The following CRPPA variants were observed in gnomAD, a reference collection of about 807,000 sequenced individuals.
The protein encoded by CRPPA is CDP-L-ribitol pyrophosphorylase A, also known as D-ribitol-5-phosphate cytidylyltransferase.
A neutral mutation model predicts 52.0 loss-of-function variants in CRPPA; 43 were observed. The ratio of observed to expected loss-of-function variants is 0.83; its 90% CI spans 0.65 to 1.07. The LOEUF is 1.07. Among genes scored for constraint, CRPPA ranks in the 50% least tolerant of loss-of-function variants. CRPPA has a pLI of 0.00. For missense variants in CRPPA, 629 were observed against 551.7 expected (o/e 1.14, Z -1.40); for synonymous variants, 250 against 203.5 (o/e 1.23, Z -1.94).
chr7:16,229,419 C>T (rs781027568), intron 8 of CRPPA, among the ~76,000 whole-genome samples: 27 of 151,722 alleles, frequency 1.8e-4, no homozygotes, highest in Non-Finnish European at 3.4e-4. Context: ...TAATTTCTTG[C>T]TTTTTATTTT....
At chr7:16,185,052 A>G (rs769462190) in intron 9 of CRPPA, among the ~76,000 whole-genome samples, 4 of 152,202 alleles carry the variant, frequency 2.6e-5, no homozygotes, top group Admixed American at 6.5e-5. Context: ...TAAGACAGAC[A>G]TATCTCTCCA....
chr7:16,165,017 G>A (rs1178535754), intron 9 of CRPPA, among the ~76,000 whole-genome samples: 1 of 152,072 alleles, frequency 6.6e-6, no homozygotes, highest in Admixed American at 6.5e-5. Context: ...CCTTAGCAGA[G>A]CTCAAGCATT....
intron 9 of CRPPA, among the ~76,000 whole-genome samples, chr7:16,194,382 C>T (rs530459750): frequency 1.3e-5 from 2 of 152,062 alleles, no homozygotes; most frequent in Non-Finnish European, 2.9e-5. Context: ...ACTTTTGTTA[C>T]CACTTATGTT....
At chr7:16,368,039 T>C (rs546516092) in intron 3 of CRPPA, among the ~76,000 whole-genome samples, 1 of 152,282 alleles carries the variant, frequency 6.6e-6, no homozygotes, top group Admixed American at 6.5e-5. Context: ...ACAAAAACCT[T>C]GTGTTAGAAT....
At chr7:16,176,522 G>C (rs1252842849) in intron 9 of CRPPA, among the ~76,000 whole-genome samples, 2 of 152,054 alleles carry the variant, frequency 1.3e-5, no homozygotes, top group African/African-American at 4.8e-5. Flanking sequence ...AGAATAGTAA[G>C]TGCTATTGTA....
At chr7:16,213,361 T>C (rs1037305471) in intron 9 of CRPPA, among the ~76,000 whole-genome samples, 1 of 152,228 alleles carries the variant, frequency 6.6e-6, no homozygotes, top group Non-Finnish European at 1.5e-5. Flanking sequence ...AATTTAATTT[T>C]GTTACCAAAA....
In CRPPA at chr7:16,278,926, T is replaced by C. The variant is rs116036278; in HGVS notation, c.836-700A>G. 6.7e-3 allele frequency among the ~76,000 whole-genome samples: 1,027 copies of C among 152,300 alleles called. 15 individuals are homozygous for C. The highest frequency in any genetic ancestry group is 0.024 in the African/African-American group (1,005 of 41,558). Reference sequence around the variant, plus strand: ...AGAAGGTACCCTGATTCAAGGTAACTTGACCTCTTGTTATCATGATACAAA... The same window carrying C: ...AGAAGGTACCCTGATTCAAGGTAACCTGACCTCTTGTTATCATGATACAAA... On this transcript the variant is annotated intron_variant, in intron 5 of 9. Transcript: ENST00000407010.
intron 8 of CRPPA, among the ~76,000 whole-genome samples, chr7:16,221,906 G>T (rs1433803593): frequency 6.6e-6 from 1 of 151,694 alleles, no homozygotes; most frequent in Non-Finnish European, 1.5e-5. Flanking sequence ...CAGGGATCTA[G>T]AACTAGAAAT....
chr7:16,266,006 C>A (rs1783943242), intron 6 of CRPPA, among the ~76,000 whole-genome samples: 3 of 152,180 alleles, frequency 2.0e-5, no homozygotes, highest in Admixed American at 2.0e-4. Flanking sequence ...ATTACCTTGT[C>A]ACAGACATCA....
chr7:16,240,652 C>G (rs764319199), intron 8 of CRPPA, among the ~76,000 whole-genome samples: 7 of 151,660 alleles, frequency 4.6e-5, no homozygotes, highest in Non-Finnish European at 5.9e-5. Context: ...GGACCTGAAA[C>G]AGATAATAAA....
intron 9 of CRPPA, chr7:16,208,944 CGTG>C: frequency 2.7e-6 from 1 of 375,914 alleles, no homozygotes; most frequent in Non-Finnish European, 5.3e-6. Flanking sequence ...TTCCCACAAA[CGTG>C]GTGAACATTC....
intron 9 of CRPPA, among the ~76,000 whole-genome samples, chr7:16,164,845 C>T (rs953771325): frequency 1.3e-4 from 20 of 152,188 alleles, no homozygotes; most frequent in African/African-American, 4.8e-4. Flanking sequence ...GGCTGCAGAA[C>T]AGCAAAGATT....
chr7:16,184,010 C>T (rs1583414278), intron 9 of CRPPA, among the ~76,000 whole-genome samples: 2 of 151,994 alleles, frequency 1.3e-5, no homozygotes, highest in Admixed American at 6.6e-5. Flanking sequence ...GGCGTGAACT[C>T]GTCTCACTGC....
chr7:16,212,084 C>T (rs1782163298), intron 9 of CRPPA, among the ~76,000 whole-genome samples: 1 of 151,760 alleles, frequency 6.6e-6, no homozygotes, highest in South Asian at 2.1e-4. Flanking sequence ...ATGTAGAGAA[C>T]TGCTTTGGTA....
intron 6 of CRPPA, 65 bp downstream of exon 6, chr7:16,278,064 A>G (rs1784246042): frequency 5.0e-6 from 4 of 797,638 alleles, no homozygotes; most frequent in Non-Finnish European, 8.3e-6. Flanking sequence ...TCCAAGAAAG[A>G]TATCTTTATA....
At chr7:16,167,900 T>C (rs948336740) in intron 9 of CRPPA, among the ~76,000 whole-genome samples, 2 of 152,204 alleles carry the variant, frequency 1.3e-5, no homozygotes, top group African/African-American at 4.8e-5. Context: ...GACTGTAACA[T>C]GCTAGAAAAA....
chr7:16,188,394 TAGC>T (rs754168181), intron 9 of CRPPA, among the ~76,000 whole-genome samples: 9 of 152,176 alleles, frequency 5.9e-5, no homozygotes, highest in Non-Finnish European at 1.2e-4. Context: ...ATGATAAAGA[TAGC>T]AGTATAGTTT....
At chr7:16,346,413 G>A (rs745594347) in intron 3 of CRPPA, among the ~76,000 whole-genome samples, 12 of 152,094 alleles carry the variant, frequency 7.9e-5, no homozygotes, top group Non-Finnish European at 1.6e-4. Flanking sequence ...AAAGAGCTGT[G>A]TCAGTTGAGA....
At position 16,199,199 on chromosome 7, in the gene CRPPA, C is replaced by G. The variant is rs1198684505; in HGVS notation, c.1251+16867G>C. Among the ~76,000 whole-genome samples the G allele has an allele frequency of 2.6e-5, 4 of 152,168 alleles. No individual in the cohort carries two copies. The East Asian group carries it at 7.8e-4, about 29-fold the overall frequency. On this transcript the variant is annotated intron_variant, in intron 9 of 9. Coordinates refer to ENST00000407010, the MANE Select transcript of CRPPA (RefSeq NM_001101426.4). Reference sequence around the variant, plus strand: ...AACTCTGGTTGTACATTACAATCACCTGGGGATTTTAAATGTCCTCCCACC... The same window carrying G: ...AACTCTGGTTGTACATTACAATCACGTGGGGATTTTAAATGTCCTCCCACC...
Sources: gnomAD v4.1 joint callset for allele counts (sites outside exome capture counted in the v4.1 genomes callset) on GRCh38, gnomAD v4.1.1 for gene constraint, MANE v1.5 for transcripts, NCBI Gene and HGNC (gene_info 2026-07-23, HGNC 2026-07-21) for gene names.